The following GPR158 variants were observed in gnomAD, a reference collection of about 807,000 sequenced individuals.
The protein encoded by GPR158 is G protein-coupled receptor 158.
Under a neutral mutation model 78.2 loss-of-function variants are expected in GPR158, and 30 were observed. That is an observed-to-expected ratio of 0.38 (90% CI 0.29 to 0.52). The LOEUF is 0.52. Among genes scored for constraint, GPR158 ranks in the 20% least tolerant of loss-of-function variants. GPR158 has a pLI of 0.83. For missense variants in GPR158, 1,463 were observed against 1,523.5 expected, an observed-to-expected ratio of 0.96 and a Z score of 0.66; for synonymous variants, 581 against 591.1, an observed-to-expected ratio of 0.98 and a Z score of 0.25.
chr10:25,395,097 G>T (rs1834349028), intron 2 of GPR158, among the ~76,000 whole-genome samples: 1 of 152,188 alleles, frequency 6.6e-6, no homozygotes, highest in South Asian at 2.1e-4. Context: ...GTTATTCCTT[G>T]CTATGTAATT....
chr10:25,282,590 C>T (rs1482773543), intron 2 of GPR158, among the ~76,000 whole-genome samples: 1 of 152,150 alleles, frequency 6.6e-6, no homozygotes, highest in Non-Finnish European at 1.5e-5. Flanking sequence ...TCCTCACTAG[C>T]AGTTTCTGAG....
chr10:25,489,454 CAT>C (rs1356540901), intron 5 of GPR158, among the ~76,000 whole-genome samples: 5 of 152,040 alleles, frequency 3.3e-5, no homozygotes, highest in African/African-American at 1.2e-4. Flanking sequence ...GTTAAGAAAA[CAT>C]GTATTCTGAG....
At chr10:25,587,647 T>C (rs184039981) in intron 7 of GPR158, among the ~76,000 whole-genome samples, 5 of 152,318 alleles carry the variant, frequency 3.3e-5, no homozygotes, top group African/African-American at 1.2e-4. Flanking sequence ...GAAACATTCA[T>C]AGCATGGCCA....
intron 4 of GPR158, among the ~76,000 whole-genome samples, chr10:25,441,562 G>A (rs79257427): frequency 0.011 from 1,702 of 152,214 alleles, 31 homozygotes; most frequent in African/African-American, 0.03. Flanking sequence ...AAAATCTCTT[G>A]TGCAGCCTTT....
intron 5 of GPR158, among the ~76,000 whole-genome samples, chr10:25,487,677 C>T (rs1835752938): frequency 6.6e-6 from 1 of 152,096 alleles, no homozygotes; most frequent in African/African-American, 2.4e-5. Context: ...GAGTAAATGA[C>T]TTTATGCATG....
intron 1 of GPR158, among the ~76,000 whole-genome samples, chr10:25,217,573 T>A (rs1212712210): frequency 3.3e-5 from 5 of 152,316 alleles, no homozygotes; most frequent in African/African-American, 1.2e-4. Context: ...GTATTAAATT[T>A]GTTTAACCCG....
intron 2 of GPR158, among the ~76,000 whole-genome samples, chr10:25,373,077 A>G (rs1834023060): frequency 6.6e-6 from 1 of 151,922 alleles, no homozygotes; most frequent in Non-Finnish European, 1.5e-5. Context: ...AGATTGGATA[A>G]AGAAAATGTG....
intron 4 of GPR158, among the ~76,000 whole-genome samples, chr10:25,459,921 G>A (rs1425072987): frequency 1.3e-5 from 2 of 152,174 alleles, no homozygotes; most frequent in East Asian, 1.9e-4. Flanking sequence ...AAGTTGGGAT[G>A]GAAATGGAGT....
chr10:25,580,903 T>TTTTTA (rs894726418), intron 7 of GPR158, among the ~76,000 whole-genome samples: 31 of 116,326 alleles, frequency 2.7e-4, no homozygotes, highest in East Asian at 1.4e-3. Context: ...TTTTTTTATT[T>TTTTTA]TTTTATTTTA....
At chr10:25,350,434 T>C (rs1760716) in intron 2 of GPR158, among the ~76,000 whole-genome samples, 85,286 of 151,878 alleles carry the variant, frequency 0.56, 27,024 homozygotes, top group Non-Finnish European at 0.74. Context: ...TCTTCTGAAT[T>C]GCTATCTTTC....
intron 2 of GPR158, among the ~76,000 whole-genome samples, chr10:25,229,469 A>G (rs759812980): frequency 3.9e-4 from 59 of 152,216 alleles, no homozygotes; most frequent in Non-Finnish European, 1.8e-4. Flanking sequence ...GGCTGCAACT[A>G]CTTGGTAGTG....
chr10:25,515,036 GCT>G (rs899128314), intron 5 of GPR158, among the ~76,000 whole-genome samples: 5 of 151,994 alleles, frequency 3.3e-5, no homozygotes, highest in Non-Finnish European at 5.9e-5. Context: ...TGTTCTTTGA[GCT>G]TCTTATATTT....
At chr10:25,448,729 T>G (rs1835174076) in intron 4 of GPR158, among the ~76,000 whole-genome samples, 1 of 152,196 alleles carries the variant, frequency 6.6e-6, no homozygotes. Flanking sequence ...AAATTCCCAT[T>G]ATCAATGTAT....
chr10:25,584,619 G>A (rs563961837), intron 7 of GPR158, among the ~76,000 whole-genome samples: 12 of 152,172 alleles, frequency 7.9e-5, no homozygotes, highest in South Asian at 2.1e-4. Flanking sequence ...ATGCAGCTAC[G>A]TGTGAATCCT....
chr10:25,452,350 T>C (rs545315096), intron 4 of GPR158, among the ~76,000 whole-genome samples: 3 of 152,272 alleles, frequency 2.0e-5, no homozygotes, highest in South Asian at 2.1e-4. Context: ...CTGGCCAAAA[T>C]TGGCTTTTGT....
At chr10:25,524,239 G>A (rs533566791) in intron 5 of GPR158, among the ~76,000 whole-genome samples, 10 of 152,320 alleles carry the variant, frequency 6.6e-5, no homozygotes, top group Admixed American at 2.0e-4. Context: ...CACAGATCCA[G>A]TGCAAGCCTA....
chr10:25,510,394 A>G (rs1836069249), intron 5 of GPR158, among the ~76,000 whole-genome samples: 1 of 152,246 alleles, frequency 6.6e-6, no homozygotes, highest in African/African-American at 2.4e-5. Context: ...TAGAATAGCC[A>G]TGTTGTAAAC....
At chr10:25,434,662 A>AAT (rs1834973123) in intron 4 of GPR158, among the ~76,000 whole-genome samples, 1 of 152,208 alleles carries the variant, frequency 6.6e-6, no homozygotes. Context: ...AATATAAGGA[A>AAT]ATATATATAA....
intron 7 of GPR158, among the ~76,000 whole-genome samples, chr10:25,576,877 G>A (rs955143470): frequency 6.8e-6 from 1 of 147,370 alleles, no homozygotes; most frequent in Non-Finnish European, 1.5e-5. Context: ...TTTTGATGGT[G>A]TTTTTGTCAT....
Sources: gnomAD v4.1 joint callset for allele counts (sites outside exome capture counted in the v4.1 genomes callset) on GRCh38, gnomAD v4.1.1 for gene constraint, MANE v1.5 for transcripts, NCBI Gene and HGNC (gene_info 2026-07-23, HGNC 2026-07-21) for gene names.